The following SIAE variants were observed in gnomAD, a reference collection of about 807,000 sequenced individuals.
SIAE encodes the protein sialic acid acetylesterase, also known as sialate O-acetylesterase.
SIAE carries 39 observed loss-of-function variants against 52.6 expected under a neutral mutation model. The observed-to-expected ratio is 0.74, with a 90% CI of 0.57 to 0.97. The LOEUF (loss-of-function observed/expected upper bound fraction) is 0.97, where lower values mean the gene tolerates loss of function less well. Ranked by LOEUF, SIAE falls within the 50% of genes least tolerant of loss-of-function variation. SIAE has a pLI of 0.00. For missense variants in SIAE, 592 were observed against 662.1 expected (o/e 0.89, Z 1.16); for synonymous variants, 233 against 241.4 (o/e 0.97, Z 0.32).
rs1942732224 is a variant in SIAE at position 124,636,059 on chromosome 11, GAAC to G, written c.*889_*891del. ...AGAGCCTGAGATTTATATTTAACTC[GAAC>G]AACAGTTTGCCTCTGTTGCCCCTGT... On this transcript the variant is annotated 3_prime_UTR_variant, in exon 10 of 10. Coordinates refer to ENST00000263593, the MANE Select transcript of SIAE (RefSeq NM_170601.5). 6.6e-6 allele frequency: 1 copy of G among 151,756 alleles called. No homozygotes were observed. Among genetic ancestry groups the G allele is most frequent in the Non-Finnish European group, 1.5e-5 (1 of 67,994 alleles). The allele number at this position is 151,756 out of a possible 1,614,324, so 9.4% of individuals were successfully genotyped here.
Position 124,649,499 on chromosome 11 carries a change from A to G in SIAE, c.722+120T>C, listed in dbSNP as rs990750549. ...CTTTCCCTCTACATGAATAAATTACATACATTCAACACATATTGGGACATT... is the reference window on the plus strand; with the variant it reads ...CTTTCCCTCTACATGAATAAATTACGTACATTCAACACATATTGGGACATT... On this transcript the variant is annotated intron_variant, in intron 5 of 9. Transcript: ENST00000263593. The G allele has an allele frequency of 2.8e-6, 3 of 1,073,550 alleles. No homozygotes were observed. In the African/African-American group the frequency reaches 4.6e-5, roughly 17 times the overall value. The allele number at this position is 1,073,550 out of a possible 1,614,324, so 66.5% of individuals were successfully genotyped here. A position where few individuals can be genotyped will look rare whatever the true frequency, so the allele number is the denominator to read the frequency against.
At chr11:124,658,262 A>AC (rs750343749) in intron 3 of SIAE, among the ~76,000 whole-genome samples, 4,796 of 151,062 alleles carry the variant, frequency 0.032, 227 homozygotes, top group African/African-American at 0.11. Flanking sequence ...ACACACACAC[A>AC]GAAGGACAGA....
rs1184277212 is a variant in SIAE, at chr11:124,633,724, G to A, written c.*3227C>T. 6.6e-6 allele frequency: 1 copy of A among 152,200 alleles called. No homozygotes were observed. Among genetic ancestry groups the A allele is most frequent in the Non-Finnish European group, 1.5e-5 (1 of 68,034 alleles). The allele number at this position is 152,200 out of a possible 1,614,324, so 9.4% of individuals were successfully genotyped here. A position where few individuals can be genotyped will look rare whatever the true frequency, so the allele number is the denominator to read the frequency against. ...ACTTTGTATAATAGCAAATCGGGAA[G>A]GGGACTGCTTAAAATGTTAATGCAG... On this transcript the variant is annotated 3_prime_UTR_variant, in exon 10 of 10. Transcript: ENST00000263593.
rs1180085481 is a variant in SIAE, at chr11:124,636,970, T to A, written c.1553A>T (p.Gln518Leu). ...AAACAGTCATTTAGCAACATTGCTC[T>A]GATGTCCAGGACCCTGGTCTGTAAT... Reference protein sequence around the residue: ...AFITDQGPGHQSNVAK With the variant: ...AFITDQGPGHLSNVAK The change falls in exon 10 of 10, where the codon CAG (glutamine) becomes CTG (leucine). Residue 518 changes from glutamine (Q) to leucine (L), a missense_variant. Transcript: ENST00000263593. The A allele has an allele frequency of 1.2e-6, 2 of 1,614,204 alleles. No homozygotes were observed. Among genetic ancestry groups the A allele is most frequent in the South Asian group, 2.2e-5 (2 of 91,086 alleles).
chr11:124,672,322 T>C (rs370794771), intron 1 of SIAE, among the ~76,000 whole-genome samples: 7 of 152,214 alleles, frequency 4.6e-5, no homozygotes, highest in East Asian at 1.9e-4. Flanking sequence ...TCCGGATGCA[T>C]TGGCGAGGAG....
At chr11:124,639,609 A>G (rs956926517) in intron 8 of SIAE, 101 bp downstream of exon 8, 3 of 1,501,768 alleles carry the variant, frequency 2.0e-6, no homozygotes, top group Non-Finnish European at 1.8e-6. Flanking sequence ...GTGACTCTTA[A>G]GTGCCAATCC....
chr11:124,669,399 C>T lies in SIAE; in HGVS notation c.190G>A (p.Gly64Ser), dbSNP rs76655561. The T allele has an allele frequency of 5.5e-3, 8,836 of 1,614,170 alleles. 381 individuals are homozygous for T. The East Asian group carries it at 0.12, about 22-fold the overall frequency. Residue 64 changes from glycine to serine, a missense_variant, in exon 2 of 10, where the codon GGT becomes AGT. Physicochemically the swap from Gly to Ser is moderately conservative, Grantham distance 56. Transcript: ENST00000263593. ...ACTTTCTTCATGATGGTTTCCTGAC[C>T]TTGGCGCAGGGTCACGGTCACTGTG... is the stretch of plus-strand genomic sequence containing the variant. ...GATVTVTLRQGQETIMKKVTS... is the reference protein window; with the variant it reads ...GATVTVTLRQSQETIMKKVTS...
chr11:124,641,567 A>G (rs992259946), intron 7 of SIAE, among the ~76,000 whole-genome samples: 14 of 152,240 alleles, frequency 9.2e-5, no homozygotes, highest in Non-Finnish European at 2.9e-5. Flanking sequence ...TATGACTTTC[A>G]CCTCAATTAA....
intron 2 of SIAE, among the ~76,000 whole-genome samples, chr11:124,664,504 G>T (rs1943244188): frequency 6.6e-6 from 1 of 152,102 alleles, no homozygotes; most frequent in South Asian, 2.1e-4. Flanking sequence ...GAAGTGCTGG[G>T]ATTATAGGCA....
chr11:124,644,585 C>T (rs1209759983), intron 7 of SIAE, among the ~76,000 whole-genome samples: 1 of 152,166 alleles, frequency 6.6e-6, no homozygotes, highest in Non-Finnish European at 1.5e-5. Flanking sequence ...GGCGCTAATC[C>T]GTCTCCCACA....
rs1444456946 is a variant in SIAE at position 124,645,280 on chromosome 11, C to T, written c.966+2085G>A. Reference sequence around the variant, plus strand: ...AAGGGACTTTCACTAAACTGTAAGGCATAAGTACAAGAATCAGGTCTTTCT... The same window carrying T: ...AAGGGACTTTCACTAAACTGTAAGGTATAAGTACAAGAATCAGGTCTTTCT... On this transcript the variant is annotated intron_variant, in intron 7 of 9. Coordinates refer to ENST00000263593, the MANE Select transcript of SIAE (RefSeq NM_170601.5). This position sits in a 1 kb window ranked among gnomAD's most constrained non-coding sequence, Gnocchi z 4.7. Among the ~76,000 whole-genome samples, 1 of 151,840 alleles carries T rather than the reference C, an allele frequency of 6.6e-6. No individual in the cohort carries two copies. The highest frequency in any genetic ancestry group is 2.4e-5 in the African/African-American group (1 of 41,342).
chr11:124,647,417 T>C lies in SIAE; in HGVS notation c.914A>G (p.His305Arg), dbSNP rs780706394. ...ALIEDWRETF[H>R]RGSQGQTERF... Reference sequence around the variant, plus strand: ...CTCCGTCTGCCCCTGGGAACCACGGTGGAAGGTTTCACGCCAGTCTTCGAT... The same window carrying C: ...CTCCGTCTGCCCCTGGGAACCACGGCGGAAGGTTTCACGCCAGTCTTCGAT... Residue 305 changes from histidine (H) to arginine (R), a missense_variant, in exon 7 of 10, where the codon CAC becomes CGC. Physicochemically the swap from His to Arg is conservative, Grantham distance 29. Transcript: ENST00000263593. The C allele has an allele frequency of 2.8e-5, 46 of 1,614,190 alleles. No individual in the cohort carries two copies. The South Asian group carries it at 4.7e-4, about 17-fold the overall frequency.
upstream of SIAE, chr11:124,675,001 G>T (rs930332717): frequency 5.7e-5 from 16 of 280,974 alleles, no homozygotes; most frequent in Non-Finnish European, 9.8e-5. Context: ...AAAATTATGG[G>T]TTTTTTGCAG....
chr11:124,641,464 C>A (rs1401610901), intron 7 of SIAE, among the ~76,000 whole-genome samples: 1 of 152,188 alleles, frequency 6.6e-6, no homozygotes, highest in Non-Finnish European at 1.5e-5. Context: ...ATAGTTGATT[C>A]TTTTGTATTA....
At chr11:124,650,966 A>C (rs904418277) in intron 4 of SIAE, among the ~76,000 whole-genome samples, 1 of 152,188 alleles carries the variant, frequency 6.6e-6, no homozygotes, top group Non-Finnish European at 1.5e-5. Flanking sequence ...AACAGAGGCA[A>C]GAGTGAGCAA....
At chr11:124,640,552 T>A (rs1942828259) in intron 7 of SIAE, among the ~76,000 whole-genome samples, 1 of 152,150 alleles carries the variant, frequency 6.6e-6, no homozygotes, top group African/African-American at 2.4e-5. Context: ...AGATAACTGA[T>A]ACATCTGTAT....
intron 3 of SIAE, among the ~76,000 whole-genome samples, chr11:124,655,171 CT>C: frequency 7.2e-6 from 1 of 138,332 alleles, no homozygotes; most frequent in East Asian, 2.1e-4. Flanking sequence ...CAATTAACTT[CT>C]TCTTTTTTTT....
At chr11:124,649,864 G>A in intron 4 of SIAE, 68 bp from the exon 5 acceptor site, 2 of 1,503,610 alleles carry the variant, frequency 1.3e-6, no homozygotes, top group South Asian at 2.3e-5. Flanking sequence ...GCAGCTGCTA[G>A]GTGGGTCGAG....
At chr11:124,648,245 C>A in intron 5 of SIAE, 70 bp from the exon 6 acceptor site, 1 of 1,101,044 alleles carries the variant, frequency 9.1e-7, no homozygotes, top group South Asian at 1.3e-5. Flanking sequence ...CCTAATTGGT[C>A]ATCTATCCAC....
Sources: gnomAD v4.1 joint callset for allele counts (sites outside exome capture counted in the v4.1 genomes callset) on GRCh38, gnomAD v4.1.1 for gene constraint, Gnocchi (gnomAD v3.1) non-coding constraint, MANE v1.5 for transcripts, NCBI Gene and HGNC (gene_info 2026-07-23, HGNC 2026-07-21) for gene names.